SLC17A8: variants seen among roughly 807,000 people sequenced by gnomAD.
The protein encoded by SLC17A8 is vesicular glutamate transporter 3.
In SLC17A8, 31 loss-of-function variants were observed where a neutral mutation model predicts 58.0. The observed-to-expected ratio is 0.53, with a 90% confidence interval of 0.40 to 0.72. The LOEUF (loss-of-function observed/expected upper bound fraction) is 0.72. Ranked by LOEUF, SLC17A8 falls within the 30% of genes least tolerant of loss-of-function variation. The pLI is 0.00. For synonymous variants in SLC17A8, 228 were observed against 249.0 expected, an observed-to-expected ratio of 0.92 and a Z score of 0.79; for missense variants, 655 against 727.8, an observed-to-expected ratio of 0.90 and a Z score of 1.15.
At chr12:100,392,032 G>A (rs942718254) in intron 3 of SLC17A8, among the ~76,000 whole-genome samples, 7 of 152,202 alleles carry the variant, frequency 4.6e-5, no homozygotes, top group South Asian at 2.1e-4. Context: ...CTCTGTCACC[G>A]GAGGTATTCA....
At chr12:100,365,420 C>G (rs1417685956) in intron 1 of SLC17A8, among the ~76,000 whole-genome samples, 1 of 152,192 alleles carries the variant, frequency 6.6e-6, no homozygotes, top group Non-Finnish European at 1.5e-5. Context: ...CTGGAGAATA[C>G]AGCCCTAGTG....
rs74486659 is a variant in SLC17A8, at chr12:100,375,330, C to T, written c.102-5371C>T. ...AAAATGGGGAAGGAGCTGGAGGAGGCTGGGGGAGCATTCAAACTGCTACCT... is the reference window on the plus strand; with the variant it reads ...AAAATGGGGAAGGAGCTGGAGGAGGTTGGGGGAGCATTCAAACTGCTACCT... On this transcript the variant is annotated intron_variant, in intron 1 of 11. Transcript: ENST00000323346. Among the ~76,000 whole-genome samples the T allele has an allele frequency of 6.1e-3, 932 of 152,010 alleles. 49 individuals carry two copies. The East Asian group carries it at 0.12, about 20-fold the overall frequency.
At chr12:100,418,990 C>T (rs939144588) in intron 11 of SLC17A8, among the ~76,000 whole-genome samples, 9 of 152,176 alleles carry the variant, frequency 5.9e-5, no homozygotes, top group South Asian at 2.1e-4. Context: ...CTTCCCCCAA[C>T]CTTAGACACA....
intron 9 of SLC17A8, chr12:100,410,631 C>T (rs959282014): frequency 3.9e-5 from 6 of 152,240 alleles, no homozygotes; most frequent in African/African-American, 1.4e-4. Flanking sequence ...GCACTCCAGT[C>T]TGGGTGACAG....
intron 7 of SLC17A8, 21 bp downstream of exon 7, chr12:100,402,500 G>A: frequency 6.2e-7 from 1 of 1,613,818 alleles, no homozygotes; most frequent in Non-Finnish European, 8.5e-7. Context: ...AAAGTCAGAT[G>A]AAGACTTACC....
At chr12:100,379,044 C>T (rs962126669) in intron 1 of SLC17A8, among the ~76,000 whole-genome samples, 2 of 152,216 alleles carry the variant, frequency 1.3e-5, no homozygotes, top group African/African-American at 4.8e-5. Flanking sequence ...GTACCTGAGA[C>T]ACAGTAGGCG....
intron 9 of SLC17A8, among the ~76,000 whole-genome samples, chr12:100,409,785 C>G (rs556864908): frequency 6.6e-6 from 1 of 152,204 alleles, no homozygotes; most frequent in East Asian, 1.9e-4. Context: ...AAAATATGTA[C>G]AGGCATGAGA....
rs73374501 is a variant in SLC17A8, at chr12:100,388,252, C to T, written c.355-2749C>T. ...GCCGTTCTATCTAAAATTTACCCCA[C>T]CACACTGCCATCCAACACTTCATAT... On this transcript the variant is annotated intron_variant, in intron 2 of 11. Transcript: ENST00000323346. Among the ~76,000 whole-genome samples, 866 of 152,288 alleles carry T rather than the reference C, an allele frequency of 5.7e-3. 11 individuals carry two copies. The highest frequency in any genetic ancestry group is 0.02 in the African/African-American group (831 of 41,548).
intron 2 of SLC17A8, among the ~76,000 whole-genome samples, chr12:100,388,473 G>T (rs1340265643): frequency 1.3e-5 from 2 of 152,196 alleles, no homozygotes; most frequent in African/African-American, 4.8e-5. Context: ...GAGCTGATTT[G>T]AATTAATGAT....
At chr12:100,362,363 C>T (rs1379183661) in intron 1 of SLC17A8, among the ~76,000 whole-genome samples, 1 of 152,164 alleles carries the variant, frequency 6.6e-6, no homozygotes, top group African/African-American at 2.4e-5. Flanking sequence ...TCTCCTGATA[C>T]TGCCTGGGCT....
intron 2 of SLC17A8, among the ~76,000 whole-genome samples, chr12:100,389,035 A>G (rs1300642250): frequency 6.6e-6 from 1 of 152,224 alleles, no homozygotes; most frequent in Non-Finnish European, 1.5e-5. Context: ...AAGCCCAAGA[A>G]AAAGGGACCA....
At chr12:100,377,505 A>T (rs1952602372) in intron 1 of SLC17A8, among the ~76,000 whole-genome samples, 1 of 151,210 alleles carries the variant, frequency 6.6e-6, no homozygotes, top group African/African-American at 2.4e-5. Flanking sequence ...CATTCAAAGT[A>T]AGGTACATGA....
intron 1 of SLC17A8, among the ~76,000 whole-genome samples, chr12:100,376,106 G>C (rs1952593006): frequency 6.6e-6 from 1 of 152,184 alleles, no homozygotes; most frequent in African/African-American, 2.4e-5. Flanking sequence ...AGGGAGAAGA[G>C]AGCCATCTGC....
At chr12:100,379,724 T>A (rs935731165) in intron 1 of SLC17A8, among the ~76,000 whole-genome samples, 3 of 152,090 alleles carry the variant, frequency 2.0e-5, no homozygotes, top group African/African-American at 7.2e-5. Flanking sequence ...AAAGAAGAGA[T>A]AAATTCACTG....
At chr12:100,389,408 A>T (rs956442836) in intron 2 of SLC17A8, among the ~76,000 whole-genome samples, 2 of 152,144 alleles carry the variant, frequency 1.3e-5, no homozygotes, top group Admixed American at 6.5e-5. Context: ...GAAATGAGAG[A>T]CTTAAGACTC....
chr12:100,407,294 C>T (rs1193215749), intron 9 of SLC17A8, among the ~76,000 whole-genome samples: 1 of 152,156 alleles, frequency 6.6e-6, no homozygotes, highest in Non-Finnish European at 1.5e-5. Context: ...ACTTGCACAA[C>T]CTCTTCTAAA....
chr12:100,393,483 G>C lies in SLC17A8; in HGVS notation c.588G>C (p.Glu196Asp). 1 of 1,605,520 alleles carries C rather than the reference G, an allele frequency of 6.2e-7. No individual in the cohort carries two copies. Among genetic ancestry groups the C allele is most frequent in the South Asian group, 1.1e-5 (1 of 90,886 alleles). The part of the protein sequence containing the change: ...MCVRILQGLV[E>D]GVTYPACHGM... ...TCAGAATTCTGCAAGGTTTAGTGGAGGTAGGAGATACTTTCCTTACAGTTT... is the reference window on the plus strand; with the variant it reads ...TCAGAATTCTGCAAGGTTTAGTGGACGTAGGAGATACTTTCCTTACAGTTT... Residue 196 changes from glutamate (E) to aspartate (D), a missense_variant and splice_region_variant, in exon 4 of 12, where the codon GAG becomes GAC. Physicochemically the swap from Glu to Asp is conservative, Grantham distance 45. Transcript: ENST00000323346.
chr12:100,385,133 TGAGA>T (rs1183439571), intron 2 of SLC17A8, among the ~76,000 whole-genome samples: 17 of 150,012 alleles, frequency 1.1e-4, no homozygotes, highest in African/African-American at 2.0e-4. Flanking sequence ...TGTGTGTGTG[TGAGA>T]GAGAGAGAGA....
At chr12:100,412,443 G>A (rs1235637827) in intron 9 of SLC17A8, among the ~76,000 whole-genome samples, 1 of 151,964 alleles carries the variant, frequency 6.6e-6, no homozygotes, top group East Asian at 1.9e-4. Context: ...ACAGCATTAG[G>A]GCAAATACCT....
Sources: gnomAD v4.1 joint callset for allele counts (sites outside exome capture counted in the v4.1 genomes callset) on GRCh38, gnomAD v4.1.1 for gene constraint, MANE v1.5 for transcripts, NCBI Gene and HGNC (gene_info 2026-07-23, HGNC 2026-07-21) for gene names.